Variants in LBR observed in about 807,000 individuals in gnomAD.
LBR encodes the protein lamin B receptor.
LBR carries 28 observed loss-of-function variants against 74.3 expected under a neutral mutation model. That is an observed-to-expected ratio of 0.38 (90% confidence interval 0.28 to 0.52). The LOEUF (loss-of-function observed/expected upper bound fraction) is 0.52, where lower values mean the gene tolerates loss of function less well. LBR is among the 20% of genes least tolerant of loss of function. LBR has a pLI of 0.89. For synonymous variants in LBR, 228 were observed against 269.3 expected (o/e 0.85, Z 1.50); for missense variants, 717 against 760.3 (o/e 0.94, Z 0.67).
chr1:225,425,666 G>C (rs768911371), intron 1 of LBR, among the ~76,000 whole-genome samples: 4 of 152,094 alleles, frequency 2.6e-5, no homozygotes, highest in Non-Finnish European at 5.9e-5. Context: ...CAAAGAAAGA[G>C]GAAGGAAATG....
Position 225,404,350 on chromosome 1 carries a change from C to T in LBR, c.1687+54G>A, listed in dbSNP as rs962678186. On this transcript the variant is annotated intron_variant, in intron 13 of 13. Coordinates refer to ENST00000272163, the MANE Select transcript of LBR (RefSeq NM_002296.4). ...CTGTCCCACACAAAGGACACACACA[C>T]ACATCTTTCTGGCGGCTAAAAGGGT... 9.3e-6 allele frequency: 15 copies of T among 1,611,844 alleles called. No homozygotes were observed. In the African/African-American group the frequency reaches 1.7e-4, roughly 19 times the overall value.
chr1:225,404,360 T>C, intron 13 of LBR, 44 bp downstream of exon 13: 1 of 1,612,654 alleles, frequency 6.2e-7, no homozygotes, highest in East Asian at 2.2e-5. Flanking sequence ...CACATCTTTC[T>C]GGCGGCTAAA....
intron 11 of LBR, among the ~76,000 whole-genome samples, chr1:225,405,662 G>A (rs2096090001): frequency 6.6e-6 from 1 of 152,090 alleles, no homozygotes; most frequent in Admixed American, 6.6e-5. Context: ...TTGACTTCCT[G>A]GCCTCCAGAA....
intron 9 of LBR, 49 bp from the exon 10 acceptor site, chr1:225,410,465 C>T (rs777091010): frequency 9.4e-6 from 15 of 1,599,490 alleles, no homozygotes; most frequent in Admixed American, 1.7e-5. Context: ...TCCCCAGAGA[C>T]CTTAGCACTA....
chr1:225,410,772 TAAG>T (rs2096103392), intron 9 of LBR, among the ~76,000 whole-genome samples: 1 of 152,126 alleles, frequency 6.6e-6, no homozygotes, highest in Admixed American at 6.5e-5. Context: ...TAGAGAAGAC[TAAG>T]AAGGAATAAC....
Position 225,418,195 on chromosome 1 carries a change from T to C in LBR, c.641-15A>G. 6.2e-7 allele frequency: 1 copy of C among 1,610,098 alleles called. No individual in the cohort carries two copies. The highest frequency in any genetic ancestry group is 8.5e-7 in the Non-Finnish European group (1 of 1,177,348). Reference sequence around the variant, plus strand: ...GAGAAACACACCTGCAAACAATTCATGAACATTCGAGGCTCAAATTTCAAT... The same window carrying C: ...GAGAAACACACCTGCAAACAATTCACGAACATTCGAGGCTCAAATTTCAAT... On this transcript the variant is annotated splice_polypyrimidine_tract_variant and intron_variant, in intron 5 of 13. Transcript: ENST00000272163.
chr1:225,404,757 G>T, intron 11 of LBR, 51 bp from the exon 12 acceptor site: 1 of 1,214,860 alleles, frequency 8.2e-7, no homozygotes, highest in Non-Finnish European at 1.2e-6. Flanking sequence ...ATACTCTAAT[G>T]CTTAATAGCA....
chr1:225,410,369 G>T lies in LBR; in HGVS notation c.1236C>A (p.Asp412Glu). The T allele has an allele frequency of 6.2e-7, 1 of 1,614,154 alleles. No homozygotes were observed. The highest frequency in any genetic ancestry group is 8.5e-7 in the Non-Finnish European group (1 of 1,180,040). ...TCATGGCCAAGGATGGAACAGCGCG[G>T]TCCTGTATTTTCATTTCAGCCAAAA... ...VMLLAEMKIQ[D>E]RAVPSLAMIL... Residue 412 changes from aspartate to glutamate, a missense_variant, in exon 10 of 14, where the codon GAC becomes GAA. Physicochemically the swap from Asp to Glu is conservative, Grantham distance 45 (BLOSUM62 2). Transcript: ENST00000272163.
intron 2 of LBR, among the ~76,000 whole-genome samples, chr1:225,423,527 C>T (rs2096132519): frequency 1.3e-5 from 2 of 152,152 alleles, no homozygotes; most frequent in African/African-American, 2.4e-5. Flanking sequence ...GAAACAGCCC[C>T]ATCAACTGCT....
intron 1 of LBR, among the ~76,000 whole-genome samples, chr1:225,427,158 ACT>A (rs2096141137): frequency 6.6e-6 from 1 of 151,824 alleles, no homozygotes; most frequent in African/African-American, 2.4e-5. Context: ...CCCCGTAATC[ACT>A]CTGGGAAAGC....
chr1:225,403,234 T>C lies in LBR; in HGVS notation c.*69A>G, dbSNP rs2096084650. The C allele has an allele frequency of 6.6e-7, 1 of 1,518,844 alleles. No individual in the cohort carries two copies. Among genetic ancestry groups the C allele is most frequent in the Non-Finnish European group, 9.1e-7 (1 of 1,093,986 alleles). 94.1% of individuals were successfully genotyped at this position (1,518,844 alleles called of 1,614,324 possible). A position where few individuals can be genotyped will look rare whatever the true frequency, so the allele number is the denominator to read the frequency against. ...CAGTGCAACAAAAGAAAGTTTCGGA[T>C]TTTTTTCCTTGTTTTTGCAAATGGC... On this transcript the variant is annotated 3_prime_UTR_variant, in exon 14 of 14. Transcript: ENST00000272163.
At chr1:225,421,976 G>A in intron 3 of LBR, 101 bp downstream of exon 3, 1 of 1,155,102 alleles carries the variant, frequency 8.7e-7, no homozygotes, top group South Asian at 1.3e-5. Context: ...ACTTAGATTT[G>A]ATGTTTCAGT....
intron 7 of LBR, chr1:225,413,982 CA>C (rs776851703): frequency 2.2e-6 from 1 of 456,746 alleles, no homozygotes; most frequent in South Asian, 1.5e-5. Context: ...GAGAAACACA[CA>C]AAACACTGAA....
chr1:225,426,756 C>A (rs1243385009), intron 1 of LBR, among the ~76,000 whole-genome samples: 1 of 152,234 alleles, frequency 6.6e-6, no homozygotes, highest in African/African-American at 2.4e-5. Flanking sequence ...AACCCCGGGC[C>A]TTGCTCCGCG....
intron 1 of LBR, among the ~76,000 whole-genome samples, chr1:225,424,343 C>G (rs1171556241): frequency 6.6e-6 from 1 of 152,158 alleles, no homozygotes; most frequent in East Asian, 1.9e-4. Flanking sequence ...TAAAATGTTA[C>G]CCACCTACCG....
chr1:225,403,186 A>T lies in LBR; in HGVS notation c.*117T>A, dbSNP rs1263707317. On this transcript the variant is annotated 3_prime_UTR_variant, in exon 14 of 14. Coordinates refer to ENST00000272163, the MANE Select transcript of LBR (RefSeq NM_002296.4). ...GGCTCCATAGTCCTGACTCAAAAAG[A>T]AAAAAAAAAGTACAGACCCTGTCAG... 6.0e-6 allele frequency: 5 copies of T among 836,748 alleles called. No homozygotes were observed. The highest frequency in any genetic ancestry group is 3.5e-5 in the African/African-American group (2 of 56,864). The allele number at this position is 836,748 out of a possible 1,614,324, so 51.8% of individuals were successfully genotyped here.
At chr1:225,423,486 C>T (rs115090357) in intron 2 of LBR, among the ~76,000 whole-genome samples, 16 of 152,088 alleles carry the variant, frequency 1.1e-4, no homozygotes, top group African/African-American at 3.9e-4. Flanking sequence ...GTCCCCCAGA[C>T]CCCTGACTTT....
intron 3 of LBR, 129 bp downstream of exon 3, chr1:225,421,948 A>T (rs1025445595): frequency 2.3e-6 from 2 of 884,866 alleles, no homozygotes; most frequent in Non-Finnish European, 1.7e-6. Context: ...TTTTATATGA[A>T]AACTCCCAAA....
chr1:225,417,968 A>G lies in LBR; in HGVS notation c.837+16T>C. 4 of 1,611,944 alleles carry G rather than the reference A, an allele frequency of 2.5e-6. No homozygotes were observed. Among genetic ancestry groups the G allele is most frequent in the Non-Finnish European group, 3.4e-6 (4 of 1,178,094 alleles). On this transcript the variant is annotated intron_variant, in intron 6 of 13. Transcript: ENST00000272163. Reference sequence around the variant, plus strand: ...CCTCATCTTATTAAAACAAAACAGAATTACCATAAACGTACCTTTCCAATT... The same window carrying G: ...CCTCATCTTATTAAAACAAAACAGAGTTACCATAAACGTACCTTTCCAATT...
Sources: allele counts gnomAD v4.1 joint callset (sites outside exome capture counted in the v4.1 genomes callset), GRCh38; gene constraint gnomAD v4.1.1; transcripts MANE v1.5; gene names NCBI Gene and HGNC (gene_info 2026-07-23, HGNC 2026-07-21).